IL33: variants seen among roughly 807,000 people sequenced by gnomAD.
The protein encoded by IL33 is interleukin-33.
Under a neutral mutation model 27.3 loss-of-function variants are expected in IL33, and 37 were observed. The ratio of observed to expected loss-of-function variants is 1.36; its 90% CI spans 1.04 to 1.78. The LOEUF is 1.78. Among genes scored for constraint, IL33 ranks in the 40% most tolerant of loss-of-function variants. The probability of loss-of-function intolerance (pLI) is 0.00; values close to 1 mark genes in which losing one functional copy is unlikely to be tolerated. For synonymous variants in IL33, 132 were observed against 102.9 expected, an observed-to-expected ratio of 1.28 and a Z score of -1.71; for missense variants, 406 against 311.4, an observed-to-expected ratio of 1.30 and a Z score of -2.29.
At position 6,256,315 on chromosome 9, in the gene IL33, T is replaced by C. The variant is rs1041131361; in HGVS notation, c.*147T>C. ...ATGTTTTCCATATTATGTATAAAAATATTTTTTCTAATCCTCCAGTTATTC... is the reference window on the plus strand; with the variant it reads ...ATGTTTTCCATATTATGTATAAAAACATTTTTTCTAATCCTCCAGTTATTC... On this transcript the variant is annotated 3_prime_UTR_variant, in exon 8 of 8. Coordinates refer to ENST00000682010, the MANE Select transcript of IL33 (RefSeq NM_033439.4). 5.0e-6 allele frequency: 3 copies of C among 604,568 alleles called. No homozygotes were observed. The highest frequency in any genetic ancestry group is 3.7e-5 in the African/African-American group (2 of 53,908). 37.5% of individuals were successfully genotyped at this position (604,568 alleles called of 1,614,324 possible).
intron 4 of IL33, among the ~76,000 whole-genome samples, chr9:6,251,735 G>C (rs1258544331): frequency 6.6e-6 from 1 of 151,484 alleles, no homozygotes; most frequent in Non-Finnish European, 1.5e-5. Context: ...GAAGTGAAGA[G>C]ATCATCATTA....
chr9:6,236,554 C>T (rs1326739185), intron 1 of IL33, among the ~76,000 whole-genome samples: 1 of 151,988 alleles, frequency 6.6e-6, no homozygotes, highest in African/African-American at 2.4e-5. Context: ...TAATGATTAA[C>T]TAAGTGTAAC....
rs931546428 is a variant in IL33, at chr9:6,257,025, G to C, written c.*857G>C. ...GAGTACTGAGTCACAACATGTTTTA[G>C]AGCATCCAAGTACCATATAATCCAA... On this transcript the variant is annotated 3_prime_UTR_variant, in exon 8 of 8. Coordinates refer to ENST00000682010, the MANE Select transcript of IL33 (RefSeq NM_033439.4). 3.3e-5 allele frequency: 5 copies of C among 151,374 alleles called. No homozygotes were observed. The highest frequency in any genetic ancestry group is 1.2e-4 in the African/African-American group (5 of 41,118). The allele number at this position is 151,374 out of a possible 1,614,324, so 9.4% of individuals were successfully genotyped here. A position where few individuals can be genotyped will look rare whatever the true frequency, so the allele number is the denominator to read the frequency against.
intron 1 of IL33, among the ~76,000 whole-genome samples, chr9:6,216,864 C>T (rs1200953655): frequency 6.6e-6 from 1 of 152,198 alleles, no homozygotes; most frequent in Non-Finnish European, 1.5e-5. Flanking sequence ...TGGGACCTGA[C>T]CCTGGACTTT....
chr9:6,217,283 G>C (rs1227711728), intron 1 of IL33, among the ~76,000 whole-genome samples: 2 of 152,060 alleles, frequency 1.3e-5, no homozygotes, highest in Non-Finnish European at 2.9e-5. Flanking sequence ...CCAGAATCAT[G>C]GCTAGTAATC....
chr9:6,240,134 T>C (rs910337091), intron 1 of IL33, among the ~76,000 whole-genome samples: 1 of 152,158 alleles, frequency 6.6e-6, no homozygotes, highest in African/African-American at 2.4e-5. Context: ...CTTTGTAAAA[T>C]AGTTGAAGAG....
intron 1 of IL33, among the ~76,000 whole-genome samples, chr9:6,239,675 G>C (rs1819419763): frequency 1.3e-5 from 2 of 151,974 alleles, no homozygotes; most frequent in South Asian, 2.1e-4. Flanking sequence ...CCCTTGGTGT[G>C]TCCACCTTCC....
intron 1 of IL33, among the ~76,000 whole-genome samples, chr9:6,229,867 T>C (rs1818842837): frequency 6.6e-6 from 1 of 152,090 alleles, no homozygotes; most frequent in African/African-American, 2.4e-5. Context: ...GAGGAAACAA[T>C]AAAGTCGGCT....
At chr9:6,227,737 A>G (rs1469461074) in intron 1 of IL33, among the ~76,000 whole-genome samples, 3 of 152,168 alleles carry the variant, frequency 2.0e-5, no homozygotes, top group African/African-American at 7.2e-5. Context: ...GCCTCAGTCT[A>G]TCACCCTCCT....
At chr9:6,240,901 C>A (rs1819489238) in intron 1 of IL33, among the ~76,000 whole-genome samples, 1 of 152,148 alleles carries the variant, frequency 6.6e-6, no homozygotes, top group South Asian at 2.1e-4. Flanking sequence ...AAATTTCTTC[C>A]TTTATATCCT....
At chr9:6,251,358 G>C (rs1310775558) in intron 4 of IL33, 93 bp downstream of exon 4, 4 of 1,557,786 alleles carry the variant, frequency 2.6e-6, no homozygotes, top group Non-Finnish European at 3.5e-6. Context: ...TCCCAAGTCT[G>C]TGTCTTTAAT....
At chr9:6,225,535 A>AC (rs1818588502) in intron 1 of IL33, among the ~76,000 whole-genome samples, 1 of 151,800 alleles carries the variant, frequency 6.6e-6, no homozygotes, top group African/African-American at 2.4e-5. Flanking sequence ...GTTTTAGGCC[A>AC]CCTCTGCAGT....
chr9:6,251,131 G>A lies in IL33; in HGVS notation c.218-9G>A, dbSNP rs747455667. On this transcript the variant is annotated splice_polypyrimidine_tract_variant and intron_variant, in intron 3 of 7. Transcript: ENST00000682010. ...TGATGGTCTATCCCTAATCCCATCC[G>A]GTCTGCAGGTAGAAAGCACAAAAGA... 8.1e-6 allele frequency: 13 copies of A among 1,612,940 alleles called. No individual in the cohort carries two copies. Among genetic ancestry groups the A allele is most frequent in the Middle Eastern group, 1.7e-4 (1 of 5,992 alleles).
At chr9:6,246,208 C>G (rs993117759) in intron 2 of IL33, among the ~76,000 whole-genome samples, 4 of 151,672 alleles carry the variant, frequency 2.6e-5, no homozygotes, top group Non-Finnish European at 5.9e-5. Flanking sequence ...TAAGGACTGC[C>G]ATGGTTTGAA....
At chr9:6,236,927 G>A (rs899575937) in intron 1 of IL33, among the ~76,000 whole-genome samples, 1 of 152,128 alleles carries the variant, frequency 6.6e-6, no homozygotes, top group Non-Finnish European at 1.5e-5. Context: ...TCTCTGTTTA[G>A]GATCTGACGG....
rs765899030 is a variant in IL33, at chr9:6,250,435, A to T, written c.92-39A>T. The stretch of plus-strand genomic sequence containing the variant: ...AGGATTTGTAGAAGGATAAAGATGA[A>T]TGGAATGAAACAGTCTCACAAGTTT... On this transcript the variant is annotated intron_variant, in intron 2 of 7. Coordinates refer to ENST00000682010, the MANE Select transcript of IL33 (RefSeq NM_033439.4). 5.0e-6 allele frequency: 8 copies of T among 1,604,390 alleles called. No homozygotes were observed. In the South Asian group the frequency reaches 8.9e-5, roughly 18 times the overall value.
At position 6,256,250 on chromosome 9, in the gene IL33, T is replaced by TCCAGCACTTTGGGAGGCCGAGGCG; in HGVS notation, c.*82_*83insCCAGCACTTTGGGAGGCCGAGGCG. ...AATGAGAGATAAAGAAAGAGACAGGTGACATCTAAGGGAAATGAAGAGTGC... is the reference window on the plus strand; with the variant it reads ...AATGAGAGATAAAGAAAGAGACAGGTCCAGCACTTTGGGAGGCCGAGGCGGACATCTAAGGGAAATGAAGAGTGC... On this transcript the variant is annotated 3_prime_UTR_variant, in exon 8 of 8. Transcript: ENST00000682010. 1 of 1,003,650 alleles carries TCCAGCACTTTGGGAGGCCGAGGCG rather than the reference T, an allele frequency of 1.0e-6. No individual in the cohort carries two copies. The highest frequency in any genetic ancestry group is 1.5e-6 in the Non-Finnish European group (1 of 648,318). 62.2% of individuals were successfully genotyped at this position (1,003,650 alleles called of 1,614,324 possible). A position where few individuals can be genotyped will look rare whatever the true frequency, so the allele number is the denominator to read the frequency against.
intron 2 of IL33, chr9:6,242,397 T>C (rs1348005526): frequency 6.6e-6 from 1 of 152,224 alleles, no homozygotes; most frequent in Non-Finnish European, 1.5e-5. Context: ...CTGAAGCAAA[T>C]CTGATTTTCA....
rs149764811 is a variant in IL33, at chr9:6,251,661, A to G, written c.343+396A>G. Among the ~76,000 whole-genome samples, 849 of 152,176 alleles carry G rather than the reference A, an allele frequency of 5.6e-3. 10 individuals are homozygous for G. Among genetic ancestry groups the G allele is most frequent in the African/African-American group, 0.019 (792 of 41,508 alleles). On this transcript the variant is annotated intron_variant, in intron 4 of 7. Transcript: ENST00000682010. ...TAACACTTTATACATTTTAAGTAGT[A>G]GTTAAGATGGTTTTAAATTTTATCA...
Sources: allele counts gnomAD v4.1 joint callset (sites outside exome capture counted in the v4.1 genomes callset), GRCh38; gene constraint gnomAD v4.1.1; transcripts MANE v1.5; gene names NCBI Gene and HGNC (gene_info 2026-07-23, HGNC 2026-07-21).